Variants in CLVS1 observed in about 807,000 individuals in gnomAD.
The protein encoded by CLVS1 is clavesin 1.
Under a neutral mutation model 33.1 loss-of-function variants are expected in CLVS1, and 10 were observed. The observed-to-expected ratio is 0.30, with a 90% confidence interval of 0.19 to 0.51. The LOEUF is 0.51. Ranked by LOEUF, CLVS1 falls within the 20% of genes least tolerant of loss-of-function variation. The probability of loss-of-function intolerance (pLI) is 0.97; values close to 1 mark genes in which losing one functional copy is unlikely to be tolerated. For missense variants in CLVS1, 343 were observed against 433.4 expected (o/e 0.79, Z 1.85); for synonymous variants, 163 against 166.1 (o/e 0.98, Z 0.14).
At chr8:61,389,540 GAA>G (rs11444687) in intron 3 of CLVS1, among the ~76,000 whole-genome samples, 1 of 143,234 alleles carries the variant, frequency 7.0e-6, no homozygotes, top group Non-Finnish European at 1.5e-5. Context: ...CTCAAAAAAG[GAA>G]AAAAAAAAAG....
chr8:61,194,404 T>C (rs1807560341), intron 2 of CLVS1, among the ~76,000 whole-genome samples: 1 of 152,054 alleles, frequency 6.6e-6, no homozygotes, highest in Non-Finnish European at 1.5e-5. Flanking sequence ...GGCATTATTT[T>C]GCATTTTCTT....
intron 2 of CLVS1, among the ~76,000 whole-genome samples, chr8:61,330,152 TG>T (rs1344936976): frequency 6.6e-6 from 1 of 151,938 alleles, no homozygotes; most frequent in Admixed American, 6.5e-5. Context: ...CAAAGCTAGG[TG>T]GTGCTTCTGT....
At chr8:61,029,640 T>G in the CLVS1 span, among the ~76,000 whole-genome samples, 1 of 152,196 alleles carries the variant, frequency 6.6e-6, no homozygotes, top group Non-Finnish European at 1.5e-5. Context: ...GGGGTACATG[T>G]GCAGAAAGTG....
rs116925923 is a variant in CLVS1 at position 61,299,717 on chromosome 8, C to A, written c.-111C>A. Reference sequence around the variant, plus strand: ...GTTTTGCTTCTGTTTTGGATGAACACCACCACATAGGGCCTGAATGTGAAA... The same window carrying A: ...GTTTTGCTTCTGTTTTGGATGAACAACACCACATAGGGCCTGAATGTGAAA... On this transcript the variant is annotated 5_prime_UTR_variant, in exon 2 of 6. Coordinates refer to ENST00000325897, the MANE Select transcript of CLVS1 (RefSeq NM_173519.3). The A allele has an allele frequency of 5.2e-3, 3,882 of 746,248 alleles. 18 individuals are homozygous for A. The highest frequency in any genetic ancestry group is 0.016 in the Middle Eastern group (39 of 2,506). The allele number at this position is 746,248 out of a possible 1,614,324, so 46.2% of individuals were successfully genotyped here.
chr8:61,398,181 CTTT>C (rs545959573), intron 3 of CLVS1, among the ~76,000 whole-genome samples: 2 of 125,894 alleles, frequency 1.6e-5, no homozygotes. Flanking sequence ...ATAAGCTTTA[CTTT>C]TTTTTTTTTT....
intron 2 of CLVS1, among the ~76,000 whole-genome samples, chr8:61,265,832 C>G (rs1809292593): frequency 6.6e-6 from 1 of 152,200 alleles, no homozygotes; most frequent in Non-Finnish European, 1.5e-5. Flanking sequence ...TTCTCTCTAC[C>G]ACATTCAGAA....
intron 1 of CLVS1, among the ~76,000 whole-genome samples, chr8:61,058,307 C>T (rs1418128276): frequency 1.3e-5 from 2 of 152,246 alleles, no homozygotes; most frequent in South Asian, 2.1e-4. Context: ...GAGATGGAGA[C>T]GTGGCTGGTG....
intron 2 of CLVS1, among the ~76,000 whole-genome samples, chr8:61,204,010 A>G (rs148423836): frequency 7.9e-5 from 12 of 152,334 alleles, no homozygotes; most frequent in Admixed American, 2.0e-4. Context: ...TGTAGAAGAT[A>G]TTGGCCCATT....
intron 1 of CLVS1, among the ~76,000 whole-genome samples, chr8:61,115,139 G>C (rs1303560307): frequency 1.3e-5 from 2 of 152,136 alleles, no homozygotes; most frequent in Non-Finnish European, 2.9e-5. Context: ...CAGAGCCCTA[G>C]GCTCAAAATT....
intron 1 of CLVS1, among the ~76,000 whole-genome samples, chr8:61,129,660 G>A (rs1043584096): frequency 3.3e-5 from 5 of 152,096 alleles, no homozygotes; most frequent in Non-Finnish European, 5.9e-5. Flanking sequence ...TTCTTGCTGT[G>A]TCCTTGCATG....
At chr8:61,432,937 C>T (rs544214201) in intron 3 of CLVS1, among the ~76,000 whole-genome samples, 48 of 151,890 alleles carry the variant, frequency 3.2e-4, no homozygotes, top group African/African-American at 1.1e-3. Context: ...AGGAGGGGAA[C>T]GAGGAAAGGA....
At chr8:61,223,486 A>G (rs1211320088) in intron 2 of CLVS1, among the ~76,000 whole-genome samples, 1 of 152,136 alleles carries the variant, frequency 6.6e-6, no homozygotes, top group South Asian at 2.1e-4. Context: ...TATTTTCTTT[A>G]AGAATGTCGA....
chr8:61,063,518 G>A (rs1185362554), intron 1 of CLVS1, among the ~76,000 whole-genome samples: 3 of 152,124 alleles, frequency 2.0e-5, no homozygotes, highest in Non-Finnish European at 2.9e-5. Flanking sequence ...TGTTTGGCCT[G>A]GCTGGGGCAC....
chr8:61,019,285 C>T, the CLVS1 span, among the ~76,000 whole-genome samples: 3 of 152,194 alleles, frequency 2.0e-5, no homozygotes, highest in African/African-American at 7.2e-5. Context: ...GCTGAACGAA[C>T]TCACTTACCT....
At chr8:61,263,517 T>C (rs1809248422) in intron 2 of CLVS1, among the ~76,000 whole-genome samples, 1 of 152,242 alleles carries the variant, frequency 6.6e-6, no homozygotes, top group East Asian at 1.9e-4. Context: ...GGCTCTTATT[T>C]ATAATCCATG....
At chr8:61,019,256 G>A in the CLVS1 span, among the ~76,000 whole-genome samples, 46 of 152,202 alleles carry the variant, frequency 3.0e-4, 2 homozygotes, top group Non-Finnish European at 1.5e-5. Flanking sequence ...CTCCTGGCAA[G>A]GAGTATGCTG....
intron 2 of CLVS1, among the ~76,000 whole-genome samples, chr8:61,172,709 C>G (rs559537727): frequency 3.3e-5 from 5 of 152,104 alleles, no homozygotes; most frequent in African/African-American, 9.7e-5. Flanking sequence ...GAAAATTTAT[C>G]GTATTTTCAC....
intron 1 of CLVS1, among the ~76,000 whole-genome samples, chr8:61,081,409 A>C (rs13259540): frequency 0.48 from 72,685 of 151,922 alleles, 19,411 homozygotes; most frequent in African/African-American, 0.72. Flanking sequence ...ACATACCCCT[A>C]TCCTGAGCCG....
intron 2 of CLVS1, among the ~76,000 whole-genome samples, chr8:61,214,499 T>C (rs932072794): frequency 1.3e-5 from 2 of 152,084 alleles, no homozygotes; most frequent in South Asian, 2.1e-4. Flanking sequence ...GGTTCCCCAA[T>C]AGACATAGAT....
Sources: gnomAD v4.1 joint callset for allele counts (sites outside exome capture counted in the v4.1 genomes callset) on GRCh38, gnomAD v4.1.1 for gene constraint, MANE v1.5 for transcripts, NCBI Gene and HGNC (gene_info 2026-07-23, HGNC 2026-07-21) for gene names.